Variants in HPS5 observed in about 807,000 individuals in gnomAD.
The protein encoded by HPS5 is HPS5 biogenesis of lysosomal organelles complex 2 subunit 2.
Under a neutral mutation model 128.0 loss-of-function variants are expected in HPS5, and 83 were observed. The observed-to-expected ratio is 0.65, with a 90% confidence interval of 0.54 to 0.78. The LOEUF is 0.78. HPS5 is among the 30% of genes least tolerant of loss of function. The pLI is 0.00. For missense variants in HPS5, 1,281 were observed against 1,326.2 expected, an observed-to-expected ratio of 0.97 and a Z score of 0.53; for synonymous variants, 475 against 470.2, an observed-to-expected ratio of 1.01 and a Z score of -0.13.
At chr11:18,288,814 CACATGCGT>C in intron 16 of HPS5, among the ~76,000 whole-genome samples, 1 of 151,476 alleles carries the variant, frequency 6.6e-6, no homozygotes, top group African/African-American at 2.4e-5. Flanking sequence ...CACACATGCG[CACATGCGT>C]GTGTGGAGAG....
chr11:18,292,875 A>G lies in HPS5; in HGVS notation c.1862+24T>C, dbSNP rs765504105. 12 of 1,577,074 alleles carry G rather than the reference A, an allele frequency of 7.6e-6. No homozygotes were observed. In the East Asian group the frequency reaches 2.0e-4, roughly 26 times the overall value. On this transcript the variant is annotated intron_variant, in intron 15 of 22. Coordinates refer to ENST00000349215, the MANE Select transcript of HPS5 (RefSeq NM_181507.2). ...TACTAAACTGCCTTGAGACGTCACT[A>G]TAAAAGTTTCTCATTATACTCACAT...
At chr11:18,305,289 A>G (rs2134421476) in intron 8 of HPS5, 133 bp downstream of exon 8, 3 of 666,086 alleles carry the variant, frequency 4.5e-6, no homozygotes, top group South Asian at 1.7e-5. Context: ...TTCATGTAAC[A>G]TAATTATTTC....
chr11:18,285,122 G>A (rs373257501), intron 20 of HPS5, among the ~76,000 whole-genome samples: 36 of 150,812 alleles, frequency 2.4e-4, no homozygotes, highest in Admixed American at 8.6e-4. Context: ...GGGAGTGGAG[G>A]GGAATTAGCT....
chr11:18,296,847 C>G lies in HPS5; in HGVS notation c.1461G>C (p.Gln487His). Residue 487 changes from glutamine (Q) to histidine (H), a missense_variant, in exon 12 of 23, where the codon CAG becomes CAC. Transcript: ENST00000349215. The part of the protein sequence containing the change: ...EDERFKEFTS[Q>H]QEEDLPDQCC... ...ACTGATCTGGCAGGTCCTCTTCCTG[C>G]TGTGAGGTGAATTCTTTAAATCTCT... 1 of 1,614,080 alleles carries G rather than the reference C, an allele frequency of 6.2e-7. No individual in the cohort carries two copies. The highest frequency in any genetic ancestry group is 8.5e-7 in the Non-Finnish European group (1 of 1,179,972).
At chr11:18,316,332 T>C (rs1357377649) in intron 2 of HPS5, among the ~76,000 whole-genome samples, 1 of 152,124 alleles carries the variant, frequency 6.6e-6, no homozygotes, top group African/African-American at 2.4e-5. Context: ...AAATAAGATT[T>C]TATATGCCTT....
chr11:18,312,097 T>C, intron 2 of HPS5, 73 bp from the exon 3 acceptor site: 3 of 1,172,528 alleles, frequency 2.6e-6, no homozygotes, highest in Admixed American at 1.7e-5. Flanking sequence ...TGAAAATAAA[T>C]ACTGAGGATT....
intron 13 of HPS5, among the ~76,000 whole-genome samples, chr11:18,295,613 C>G (rs1786773957): frequency 6.6e-6 from 1 of 152,218 alleles, no homozygotes; most frequent in African/African-American, 2.4e-5. Context: ...AGTCTTCTCT[C>G]TTAAACTCAA....
chr11:18,291,800 G>A lies in HPS5; in HGVS notation c.2082C>T (p.Asp694=). ...CAACAGATTCTTCATTGCCTAAAGA[G>A]TCCCTTTTTTCTTTTTCATTATCTT... The part of the protein sequence containing the change: ...LDEDNEKEKR[D]SLGNEESVDK... Residue 694 remains aspartate, a synonymous_variant, in exon 16 of 23, where the codon GAC becomes GAT. Transcript: ENST00000349215. The A allele has an allele frequency of 6.2e-7, 1 of 1,613,418 alleles. No individual in the cohort carries two copies. Among genetic ancestry groups the A allele is most frequent in the South Asian group, 1.1e-5 (1 of 90,942 alleles).
chr11:18,296,152 C>T lies in HPS5; in HGVS notation c.1511-30G>A, dbSNP rs2305565. On this transcript the variant is annotated intron_variant, in intron 12 of 22. Coordinates refer to ENST00000349215, the MANE Select transcript of HPS5 (RefSeq NM_181507.2). ...TGAATGGAATCAGGAAAAAAAGAAA[C>T]AAAATCTAATCACGTGGGAGTTGTT... 967,375 of 1,603,210 alleles carry T rather than the reference C, an allele frequency of 0.6. 295,007 individuals carry two copies. The highest frequency in any genetic ancestry group is 0.81 in the East Asian group (36,413 of 44,732).
Position 18,317,835 on chromosome 11 carries a change from T to A in HPS5, c.24A>T (p.Pro8=). ...CTGCAAGAACATGGCTGTAGGACTC[T>A]GGTATCACTGGCACAAAAGCCATTT... is the stretch of plus-strand genomic sequence containing the variant. MAFVPVI[P]ESYSHVLAEF... is the part of the protein sequence containing the mutation. The change falls in exon 2 of 23, where the codon CCA becomes CCT. Residue 8 remains proline (P), a synonymous_variant. Coordinates refer to ENST00000349215, the MANE Select transcript of HPS5 (RefSeq NM_181507.2). The A allele has an allele frequency of 6.2e-7, 1 of 1,613,548 alleles. No individual in the cohort carries two copies. Among genetic ancestry groups the A allele is most frequent in the East Asian group, 2.2e-5 (1 of 44,886 alleles).
chr11:18,318,712 C>T (rs537550789), intron 1 of HPS5, among the ~76,000 whole-genome samples: 14 of 152,140 alleles, frequency 9.2e-5, no homozygotes, highest in Non-Finnish European at 2.1e-4. Flanking sequence ...TTGTTACCTG[C>T]CAAATTTAGA....
intron 3 of HPS5, 196 bp downstream of exon 3, chr11:18,311,718 C>G (rs2133861778): frequency 1.6e-6 from 1 of 619,340 alleles, no homozygotes; most frequent in East Asian, 3.2e-5. Context: ...ACCATGTTGG[C>G]CAGGCTGGTC....
rs1181956696 is a variant in HPS5 at position 18,291,593 on chromosome 11, G to A, written c.2289C>T (p.His763=). Residue 763 remains histidine, a synonymous_variant, in exon 16 of 23, where the codon CAC becomes CAT. Coordinates refer to ENST00000349215, the MANE Select transcript of HPS5 (RefSeq NM_181507.2). ...KIKSTSGHVD[H]TLQQYSPEIL... ...TTTCAGGAGAGTACTGTTGCAAAGTGTGGTCCACATGTCCACTGGTGCTTT... is the reference window on the plus strand; with the variant it reads ...TTTCAGGAGAGTACTGTTGCAAAGTATGGTCCACATGTCCACTGGTGCTTT... 2 of 1,613,840 alleles carry A rather than the reference G, an allele frequency of 1.2e-6. No homozygotes were observed.
At chr11:18,294,641 T>C (rs936875087) in intron 14 of HPS5, among the ~76,000 whole-genome samples, 3 of 152,170 alleles carry the variant, frequency 2.0e-5, no homozygotes, top group Non-Finnish European at 4.4e-5. Flanking sequence ...TTTCAACACT[T>C]TGTGGAATTT....
rs777675282 is a variant in HPS5, at chr11:18,310,779, C to T, written c.439G>A (p.Val147Ile). ...RVFVGDHAGK[V>I]SAIKLNTSKQ... The stretch of plus-strand genomic sequence containing the variant: ...GAAGTATTGAGTTTGATAGCAGAAA[C>T]CTTCCCAGCATGATCACCTACAAAA... Residue 147 changes from valine (V) to isoleucine (I), a missense_variant, in exon 5 of 23, where the codon GTT becomes ATT. Val to Ile is a conservative substitution (Grantham distance 29). Coordinates refer to ENST00000349215, the MANE Select transcript of HPS5 (RefSeq NM_181507.2). 3 of 1,614,002 alleles carry T rather than the reference C, an allele frequency of 1.9e-6. No homozygotes were observed. Among genetic ancestry groups the T allele is most frequent in the Admixed American group, 1.7e-5 (1 of 60,004 alleles).
At chr11:18,296,762 T>C (rs574426547) in intron 12 of HPS5, 36 bp downstream of exon 12, 1 of 1,593,618 alleles carries the variant, frequency 6.3e-7, no homozygotes, top group South Asian at 1.1e-5. Flanking sequence ...AAATAATGGC[T>C]TCACATCAGG....
At chr11:18,312,604 T>C (rs1292342779) in intron 2 of HPS5, among the ~76,000 whole-genome samples, 1 of 152,168 alleles carries the variant, frequency 6.6e-6, no homozygotes, top group East Asian at 1.9e-4. Flanking sequence ...AAAACCTAAA[T>C]ATTCACCTTC....
chr11:18,291,866 A>AT lies in HPS5; in HGVS notation c.2015dup (p.Asp672GlufsTer6). 6.2e-7 allele frequency: 1 copy of AT among 1,607,960 alleles called. No homozygotes were observed. The highest frequency in any genetic ancestry group is 8.5e-7 in the Non-Finnish European group (1 of 1,176,868). ...TTTTTGATTCATTAACTAATAGCACATCCTGGTTCAATTTCATGGATGAGT... is the reference window on the plus strand; with the variant it reads ...TTTTTGATTCATTAACTAATAGCACATTCCTGGTTCAATTTCATGGATGAGT... On this transcript the variant is annotated frameshift_variant, in exon 16 of 23. Transcript: ENST00000349215. LOFTEE classifies it high-confidence loss of function.
chr11:18,285,307 T>C (rs775311509), intron 20 of HPS5, 39 bp downstream of exon 20: 10 of 1,279,254 alleles, frequency 7.8e-6, no homozygotes, highest in Non-Finnish European at 1.1e-5. Context: ...CTGAAATGTT[T>C]CTAACCTTAA....
Sources: allele counts gnomAD v4.1 joint callset (sites outside exome capture counted in the v4.1 genomes callset), GRCh38; gene constraint gnomAD v4.1.1; transcripts MANE v1.5; gene names NCBI Gene and HGNC (gene_info 2026-07-23, HGNC 2026-07-21).